CACNB2: variants seen among roughly 807,000 people sequenced by gnomAD.
CACNB2 encodes calcium voltage-gated channel auxiliary subunit beta 2, also known as voltage-dependent L-type calcium channel subunit beta-2.
A neutral mutation model predicts 73.3 loss-of-function variants in CACNB2; 42 were observed. That is an observed-to-expected ratio of 0.57 (90% CI 0.45 to 0.74). CACNB2 has a LOEUF of 0.74. CACNB2 is among the 30% of genes least tolerant of loss of function. The pLI, the probability that CACNB2 is intolerant of heterozygous loss-of-function variation, is 0.00. For missense variants in CACNB2, 940 were observed against 853.0 expected (o/e 1.10, Z -1.27); for synonymous variants, 348 against 310.3 (o/e 1.12, Z -1.28).
intron 2 of CACNB2, among the ~76,000 whole-genome samples, chr10:18,242,417 C>T (rs928602634): frequency 5.9e-5 from 9 of 151,838 alleles, no homozygotes; most frequent in Non-Finnish European, 1.2e-4. Context: ...TTTATTAGAA[C>T]GATGAAAAGG....
In CACNB2 at chr10:18,518,045, C is replaced by G. The variant is rs138770732; in HGVS notation, c.805-291C>G. Among the ~76,000 whole-genome samples the G allele has an allele frequency of 3.9e-5, 6 of 152,252 alleles. No homozygotes were observed. In the East Asian group the frequency reaches 1.2e-3, roughly 29 times the overall value. Reference sequence around the variant, plus strand: ...TGCATGAGGCATGTTTCTCTTTGTTCTGTCAACTAGTTTTTGTTCAAAAGC... The same window carrying G: ...TGCATGAGGCATGTTTCTCTTTGTTGTGTCAACTAGTTTTTGTTCAAAAGC... On this transcript the variant is annotated intron_variant, in intron 7 of 13. Transcript: ENST00000324631.
intron 3 of CACNB2, among the ~76,000 whole-genome samples, chr10:18,412,626 G>T (rs2044698637): frequency 1.3e-5 from 2 of 152,130 alleles, no homozygotes; most frequent in African/African-American, 2.4e-5. Flanking sequence ...TTTCTTCTCT[G>T]CTAAGTCACT....
At chr10:18,511,596 T>C (rs2050788806) in intron 6 of CACNB2, among the ~76,000 whole-genome samples, 1 of 152,210 alleles carries the variant, frequency 6.6e-6, no homozygotes, top group Non-Finnish European at 1.5e-5. Flanking sequence ...TGTACTGTGG[T>C]TTTTGTTAGA....
At chr10:18,409,904 C>G (rs577680937) in intron 3 of CACNB2, among the ~76,000 whole-genome samples, 10 of 152,224 alleles carry the variant, frequency 6.6e-5, no homozygotes, top group Admixed American at 2.6e-4. Flanking sequence ...GTATGTCACT[C>G]GCCTTTACTC....
At chr10:18,153,645 G>T (rs1446067899) in intron 2 of CACNB2, among the ~76,000 whole-genome samples, 2 of 150,134 alleles carry the variant, frequency 1.3e-5, no homozygotes, top group Non-Finnish European at 1.5e-5. Flanking sequence ...GCAGTGGCGC[G>T]ATCTCGGCTC....
chr10:18,440,890 C>A (rs542247450), intron 3 of CACNB2, among the ~76,000 whole-genome samples: 86 of 152,246 alleles, frequency 5.6e-4, no homozygotes, highest in Middle Eastern at 6.8e-3. Flanking sequence ...ATGGGGAAGC[C>A]TTTGGACTAT....
At chr10:18,456,338 C>A (rs1564569729) in intron 3 of CACNB2, among the ~76,000 whole-genome samples, 1 of 152,100 alleles carries the variant, frequency 6.6e-6, no homozygotes, top group Non-Finnish European at 1.5e-5. Flanking sequence ...TGGTACACAC[C>A]TGTAATCCCA....
chr10:18,288,674 T>TACACACACACACAC (rs1478993032), intron 2 of CACNB2, among the ~76,000 whole-genome samples: 1 of 60,616 alleles, frequency 1.6e-5, no homozygotes, highest in African/African-American at 1.0e-4. Flanking sequence ...AAATGAGATT[T>TACACACACACACAC]ATACACACAC....
intron 3 of CACNB2, among the ~76,000 whole-genome samples, chr10:18,464,418 TA>T (rs762982462): frequency 0.02 from 1,707 of 85,290 alleles, 62 homozygotes; most frequent in African/African-American, 0.048. Flanking sequence ...TCTCAAAAAT[TA>T]AAAAAAAAAA....
At chr10:18,514,111 G>C (rs995079240) in intron 6 of CACNB2, 125 bp from the exon 7 acceptor site, 13 of 926,388 alleles carry the variant, frequency 1.4e-5, no homozygotes, top group South Asian at 2.8e-5. Context: ...ATTTTCTTGC[G>C]TACTGTGTTG....
chr10:18,514,413 C>T, intron 7 of CACNB2, 44 bp downstream of exon 7: 1 of 1,613,846 alleles, frequency 6.2e-7, no homozygotes, highest in African/African-American at 1.3e-5. Context: ...TGCTCAACTG[C>T]ACTGCGTCAC....
intron 2 of CACNB2, among the ~76,000 whole-genome samples, chr10:18,307,983 CTTTTTTTTTTT>C (rs869311555): frequency 1.1e-4 from 8 of 70,244 alleles, no homozygotes; most frequent in Admixed American, 1.9e-4. Context: ...TATATGCCAA[CTTTTTTTTTTT>C]TTTTTTTTTT....
intron 2 of CACNB2, among the ~76,000 whole-genome samples, chr10:18,386,699 C>G (rs1475353115): frequency 6.6e-6 from 1 of 152,160 alleles, no homozygotes; most frequent in Non-Finnish European, 1.5e-5. Flanking sequence ...AGCCACTGCG[C>G]CCTGCCTTTA....
chr10:18,227,702 A>G (rs2036050907), intron 2 of CACNB2, among the ~76,000 whole-genome samples: 1 of 152,184 alleles, frequency 6.6e-6, no homozygotes, highest in Non-Finnish European at 1.5e-5. Context: ...GAAAGGGAGT[A>G]TGCGCTCCAG....
chr10:18,337,922 C>A (rs1161497502), intron 2 of CACNB2, among the ~76,000 whole-genome samples: 1 of 152,066 alleles, frequency 6.6e-6, no homozygotes, highest in African/African-American at 2.4e-5. Flanking sequence ...TGAACAAAAT[C>A]AACTCAAAGT....
chr10:18,375,376 CTGT>C (rs1481752986), intron 2 of CACNB2, among the ~76,000 whole-genome samples: 7 of 152,200 alleles, frequency 4.6e-5, no homozygotes, highest in South Asian at 2.1e-4. Context: ...GGGATGAAGT[CTGT>C]TGTTAAATTC....
intron 2 of CACNB2, among the ~76,000 whole-genome samples, chr10:18,199,423 C>A (rs2034775631): frequency 6.6e-6 from 1 of 152,104 alleles, no homozygotes; most frequent in African/African-American, 2.4e-5. Context: ...CCAGAGAAGG[C>A]TTCTGAGCAA....
chr10:18,392,461 G>A (rs970718138), intron 2 of CACNB2, among the ~76,000 whole-genome samples: 2 of 152,146 alleles, frequency 1.3e-5, no homozygotes, highest in African/African-American at 4.8e-5. Flanking sequence ...GGAGTGGTAG[G>A]AGGAATAGGA....
chr10:18,458,767 T>C (rs1252073502), intron 3 of CACNB2, among the ~76,000 whole-genome samples: 1 of 148,852 alleles, frequency 6.7e-6, no homozygotes, highest in East Asian at 1.9e-4. Flanking sequence ...GGTGAACTTT[T>C]TTTTTTTTTT....
Sources: gnomAD v4.1 joint callset for allele counts (sites outside exome capture counted in the v4.1 genomes callset) on GRCh38, gnomAD v4.1.1 for gene constraint, MANE v1.5 for transcripts, NCBI Gene and HGNC (gene_info 2026-07-23, HGNC 2026-07-21) for gene names.